Variants in PCLO observed in about 807,000 individuals in gnomAD.
PCLO encodes piccolo presynaptic cytomatrix protein.
PCLO carries 82 observed loss-of-function variants against 427.5 expected under a neutral mutation model. The ratio of observed to expected loss-of-function variants is 0.19; its 90% CI spans 0.16 to 0.23. The LOEUF is 0.23. PCLO is among the 10% of genes least tolerant of loss of function. The pLI is 1.00. For missense variants in PCLO, 6,239 were observed against 6,115.9 expected, an observed-to-expected ratio of 1.02 and a Z score of -0.67; for synonymous variants, 2,357 against 2,155.4, an observed-to-expected ratio of 1.09 and a Z score of -2.59.
rs552532104 is a variant in PCLO at position 83,063,558 on chromosome 7, G to A, written c.3300+70692C>T. On this transcript the variant is annotated intron_variant, in intron 3 of 24. Coordinates refer to ENST00000333891, the MANE Select transcript of PCLO (RefSeq NM_033026.6). The stretch of plus-strand genomic sequence containing the variant: ...GAGGATTTTGCCCAATTCTAGGCTG[G>A]TGCAAGTTTTCTGAGTGTTTAGGCA... Among the ~76,000 whole-genome samples the A allele has an allele frequency of 8.5e-5, 13 of 152,156 alleles. 1 individual carries two copies. In the South Asian group the frequency reaches 2.5e-3, roughly 29 times the overall value.
chr7:82,822,024 C>T, intron 20 of PCLO: 11 of 991,188 alleles, frequency 1.1e-5, no homozygotes, highest in Non-Finnish European at 1.3e-5. Flanking sequence ...TTATCTTCTG[C>T]CTAGACTTTT....
chr7:83,126,081 C>T (rs1791432031), intron 3 of PCLO, among the ~76,000 whole-genome samples: 1 of 152,118 alleles, frequency 6.6e-6, no homozygotes, highest in Non-Finnish European at 1.5e-5. Flanking sequence ...CTTACAACAA[C>T]ATGGATAGAA....
At chr7:83,000,395 A>G (rs1216272872) in intron 3 of PCLO, among the ~76,000 whole-genome samples, 3 of 152,016 alleles carry the variant, frequency 2.0e-5, no homozygotes, top group Non-Finnish European at 1.5e-5. Flanking sequence ...AAAATTGAGG[A>G]AATTTGTTGC....
intron 22 of PCLO, among the ~76,000 whole-genome samples, chr7:82,790,985 G>A (rs1482901920): frequency 6.6e-6 from 1 of 152,146 alleles, no homozygotes; most frequent in Non-Finnish European, 1.5e-5. Context: ...ATTAAGGTTG[G>A]TTTAGCCTTT....
rs1324452328 is a variant in PCLO, at chr7:82,908,860, C to A, written c.13437+17G>T. On this transcript the variant is annotated intron_variant, in intron 8 of 24. Transcript: ENST00000333891. ...TTTTTGATAAATCTAAAAGAAATTGCTAAATATAGCACTTACTTGCTCTTG... is the reference window on the plus strand; with the variant it reads ...TTTTTGATAAATCTAAAAGAAATTGATAAATATAGCACTTACTTGCTCTTG... 1 of 1,603,872 alleles carries A rather than the reference C, an allele frequency of 6.2e-7. No individual in the cohort carries two copies. Among genetic ancestry groups the A allele is most frequent in the Non-Finnish European group, 8.5e-7 (1 of 1,174,994 alleles).
chr7:83,082,168 A>C (rs2116401695), intron 3 of PCLO, among the ~76,000 whole-genome samples: 1 of 151,454 alleles, frequency 6.6e-6, no homozygotes, highest in South Asian at 2.1e-4. Flanking sequence ...AACAATAAAA[A>C]TTTTTCATAC....
chr7:82,940,981 C>T (rs1267515332), intron 6 of PCLO, among the ~76,000 whole-genome samples: 1 of 151,758 alleles, frequency 6.6e-6, no homozygotes, highest in Non-Finnish European at 1.5e-5. Context: ...CCAGGATGAT[C>T]TTGATCTCCT....
intron 3 of PCLO, among the ~76,000 whole-genome samples, chr7:83,096,302 G>T (rs6947662): frequency 2.3e-4 from 35 of 151,866 alleles, no homozygotes; most frequent in Non-Finnish European, 4.3e-4. Context: ...TTAAACTCCA[G>T]GTTCACATTC....
intron 3 of PCLO, among the ~76,000 whole-genome samples, chr7:83,016,484 G>A (rs545646005): frequency 2.6e-5 from 4 of 152,160 alleles, no homozygotes; most frequent in African/African-American, 9.6e-5. Context: ...AAATATAGAA[G>A]TTTCAGCCAT....
rs754500842 is a variant in PCLO at position 83,118,112 on chromosome 7, G to A, written c.3300+16138C>T. Reference sequence around the variant, plus strand: ...TTGGTGACAAGCAGCTATGCATTTCGAATACATAAAATTAGACCTTTCAGC... The same window carrying A: ...TTGGTGACAAGCAGCTATGCATTTCAAATACATAAAATTAGACCTTTCAGC... On this transcript the variant is annotated intron_variant, in intron 3 of 24. Coordinates refer to ENST00000333891, the MANE Select transcript of PCLO (RefSeq NM_033026.6). 4.6e-5 allele frequency among the ~76,000 whole-genome samples: 7 copies of A among 152,176 alleles called. No individual in the cohort carries two copies. In the South Asian group the frequency reaches 6.2e-4, roughly 14 times the overall value.
chr7:82,964,851 G>T (rs1359679021), intron 4 of PCLO, among the ~76,000 whole-genome samples: 1 of 152,178 alleles, frequency 6.6e-6, no homozygotes, highest in Non-Finnish European at 1.5e-5. Flanking sequence ...GCAGAGATGG[G>T]TTGGTAAGCA....
chr7:83,093,394 A>AT (rs1790431267), intron 3 of PCLO, among the ~76,000 whole-genome samples: 1 of 150,338 alleles, frequency 6.7e-6, no homozygotes, highest in Non-Finnish European at 1.5e-5. Flanking sequence ...ACAATATTAC[A>AT]TTTTGAATCT....
chr7:82,908,778 A>G (rs1324041602), intron 8 of PCLO, 99 bp downstream of exon 8: 2 of 1,042,742 alleles, frequency 1.9e-6, no homozygotes, highest in East Asian at 4.8e-5. Flanking sequence ...AAATTAATAA[A>G]CAAACATCTC....
intron 2 of PCLO, among the ~76,000 whole-genome samples, chr7:83,151,903 G>T (rs1319010961): frequency 1.3e-5 from 2 of 151,812 alleles, no homozygotes; most frequent in Admixed American, 1.3e-4. Flanking sequence ...CAAAATTATG[G>T]GAAGTTTAAT....
intron 3 of PCLO, among the ~76,000 whole-genome samples, chr7:82,986,910 G>A (rs1306870607): frequency 6.6e-6 from 1 of 151,696 alleles, no homozygotes. Context: ...ATTTCATAGA[G>A]GCAAATGAAA....
At chr7:83,115,189 T>C (rs1791101320) in intron 3 of PCLO, among the ~76,000 whole-genome samples, 1 of 152,108 alleles carries the variant, frequency 6.6e-6, no homozygotes, top group Non-Finnish European at 1.5e-5. Flanking sequence ...AGGTATATTG[T>C]TACCGTGTGT....
chr7:83,089,453 C>T (rs1018718766), intron 3 of PCLO, among the ~76,000 whole-genome samples: 1 of 152,106 alleles, frequency 6.6e-6, no homozygotes, highest in Non-Finnish European at 1.5e-5. Flanking sequence ...TTTCTCCCTT[C>T]TTCTGGAAAA....
chr7:83,095,119 T>G (rs1790499304), intron 3 of PCLO, among the ~76,000 whole-genome samples: 1 of 152,164 alleles, frequency 6.6e-6, no homozygotes, highest in African/African-American at 2.4e-5. Flanking sequence ...AGTTTTAAAA[T>G]TTTAAATTCA....
chr7:82,928,728 A>G (rs1398907539), intron 6 of PCLO, among the ~76,000 whole-genome samples: 1 of 152,140 alleles, frequency 6.6e-6, no homozygotes, highest in Non-Finnish European at 1.5e-5. Flanking sequence ...GATAATTCTG[A>G]ACTGGAGCTA....
Sources: allele counts gnomAD v4.1 joint callset (sites outside exome capture counted in the v4.1 genomes callset), GRCh38; gene constraint gnomAD v4.1.1; transcripts MANE v1.5; gene names NCBI Gene and HGNC (gene_info 2026-07-23, HGNC 2026-07-21).